The following SHISA6 variants were observed in gnomAD, a reference collection of about 807,000 sequenced individuals.
SHISA6 encodes the protein protein shisa-6.
Under a neutral mutation model 47.9 loss-of-function variants are expected in SHISA6, and 22 were observed. The observed-to-expected ratio is 0.46, with a 90% CI of 0.33 to 0.66. The LOEUF (loss-of-function observed/expected upper bound fraction) is 0.66, where lower values mean the gene tolerates loss of function less well. Among genes scored for constraint, SHISA6 ranks in the 30% least tolerant of loss-of-function variants. The pLI is 0.02. For missense variants in SHISA6, 680 were observed against 764.6 expected (o/e 0.89, Z 1.30); for synonymous variants, 388 against 337.8 (o/e 1.15, Z -1.63).
intron 3 of SHISA6, among the ~76,000 whole-genome samples, chr17:11,425,510 A>G (rs1188759328): frequency 2.0e-5 from 3 of 152,232 alleles, no homozygotes; most frequent in African/African-American, 7.2e-5. Flanking sequence ...TCAGATAGCC[A>G]CATTTTCAGA....
At chr17:11,395,924 T>G (rs1597492096) in intron 3 of SHISA6, among the ~76,000 whole-genome samples, 1 of 152,346 alleles carries the variant, frequency 6.6e-6, no homozygotes, top group East Asian at 1.9e-4. Flanking sequence ...CTTTGCTTTG[T>G]TTCTGATGTT....
At chr17:11,262,574 T>A (rs1198675409) in intron 1 of SHISA6, among the ~76,000 whole-genome samples, 1 of 152,226 alleles carries the variant, frequency 6.6e-6, no homozygotes, top group South Asian at 2.1e-4. Context: ...TTGATCTGTG[T>A]CTCTTCAATG....
At chr17:11,536,955 G>A (rs1159879984) in intron 3 of SHISA6, among the ~76,000 whole-genome samples, 3 of 152,156 alleles carry the variant, frequency 2.0e-5, no homozygotes, top group South Asian at 2.1e-4. Flanking sequence ...AGGCTCACAC[G>A]AGCCAAAGCT....
chr17:11,545,487 T>C (rs2071875720), intron 3 of SHISA6, among the ~76,000 whole-genome samples: 1 of 152,214 alleles, frequency 6.6e-6, no homozygotes, highest in Non-Finnish European at 1.5e-5. Flanking sequence ...TTAATGCCAA[T>C]ATTCTGATTT....
At chr17:11,453,515 T>G (rs1200156360) in intron 3 of SHISA6, among the ~76,000 whole-genome samples, 2 of 152,228 alleles carry the variant, frequency 1.3e-5, no homozygotes, top group Admixed American at 6.5e-5. Flanking sequence ...TATAGCTTCT[T>G]CATTTCCCCC....
At chr17:11,312,462 A>G (rs1160593823) in intron 2 of SHISA6, among the ~76,000 whole-genome samples, 1 of 152,192 alleles carries the variant, frequency 6.6e-6, no homozygotes, top group African/African-American at 2.4e-5. Context: ...TCTGAAAATA[A>G]TATCTGTTGC....
intron 3 of SHISA6, among the ~76,000 whole-genome samples, chr17:11,490,175 G>A (rs755977740): frequency 2.8e-4 from 42 of 152,296 alleles, no homozygotes; most frequent in Admixed American, 9.8e-4. Flanking sequence ...ATTGGCCTGC[G>A]CTCATAGTTC....
Position 11,420,848 on chromosome 17 carries a change from G to C in SHISA6, c.895+41339G>C, listed in dbSNP as rs545268245. Among the ~76,000 whole-genome samples, 7 of 152,332 alleles carry C rather than the reference G, an allele frequency of 4.6e-5. 1 individual carries two copies. In the South Asian group the frequency reaches 1.2e-3, roughly 27 times the overall value. ...TACCTGCCTACACTCTGGTTACCAG[G>C]ATATTGACAGAGGGTATGTTTGACC... On this transcript the variant is annotated intron_variant, in intron 3 of 5. Transcript: ENST00000441885.
rs2072005979 is a variant in SHISA6 at position 11,558,456 on chromosome 17, C to T, written c.*152C>T. ...GCCACCTTTGCCCAAAAAGCCATAC[C>T]CCCGGGGACACAGCCCCGATGGCCT... On this transcript the variant is annotated 3_prime_UTR_variant, in exon 6 of 6. Coordinates refer to ENST00000441885, the MANE Select transcript of SHISA6 (RefSeq NM_207386.4). 4 of 836,274 alleles carry T rather than the reference C, an allele frequency of 4.8e-6. 1 individual carries two copies. In the South Asian group the frequency reaches 7.2e-5, roughly 15 times the overall value. The allele number at this position is 836,274 out of a possible 1,614,324, so 51.8% of individuals were successfully genotyped here. A position where few individuals can be genotyped will look rare whatever the true frequency, so the allele number is the denominator to read the frequency against.
chr17:11,489,737 A>C (rs2142336959), intron 3 of SHISA6, among the ~76,000 whole-genome samples: 1 of 152,330 alleles, frequency 6.6e-6, no homozygotes, highest in Non-Finnish European at 1.5e-5. Context: ...TTTGCACCCC[A>C]GAGAACCTTT....
chr17:11,359,206 G>A (rs1912182597), intron 2 of SHISA6, among the ~76,000 whole-genome samples: 1 of 152,034 alleles, frequency 6.6e-6, no homozygotes. Flanking sequence ...TCATGTTTAA[G>A]CATGTCTTGC....
At chr17:11,395,026 G>C (rs1358793317) in intron 3 of SHISA6, among the ~76,000 whole-genome samples, 2 of 117,226 alleles carry the variant, frequency 1.7e-5, no homozygotes, top group Non-Finnish European at 3.3e-5. Flanking sequence ...TTTTGAGACA[G>C]AGTCTCGCTC....
chr17:11,442,999 A>G (rs937312516), intron 3 of SHISA6, among the ~76,000 whole-genome samples: 1 of 152,196 alleles, frequency 6.6e-6, no homozygotes, highest in African/African-American at 2.4e-5. Flanking sequence ...AGAAAAAGGA[A>G]GCCAAGAACT....
chr17:11,244,211 C>A (rs764170557), intron 1 of SHISA6, among the ~76,000 whole-genome samples: 2 of 152,154 alleles, frequency 1.3e-5, no homozygotes, highest in Non-Finnish European at 2.9e-5. Flanking sequence ...ATGTTTCCCC[C>A]TCAAGTTCAC....
At chr17:11,414,481 C>T (rs1041585598) in intron 3 of SHISA6, among the ~76,000 whole-genome samples, 1 of 152,150 alleles carries the variant, frequency 6.6e-6, no homozygotes, top group African/African-American at 2.4e-5. Flanking sequence ...TCTATTCTTT[C>T]CCTGCCCCTC....
intron 2 of SHISA6, among the ~76,000 whole-genome samples, chr17:11,358,353 A>G (rs1912139843): frequency 6.6e-6 from 1 of 151,466 alleles, no homozygotes; most frequent in Non-Finnish European, 1.5e-5. Flanking sequence ...ATGTTGTAGT[A>G]CTTGACAGGA....
At chr17:11,353,898 G>A (rs1911987349) in intron 2 of SHISA6, among the ~76,000 whole-genome samples, 1 of 152,146 alleles carries the variant, frequency 6.6e-6, no homozygotes, top group Non-Finnish European at 1.5e-5. Context: ...GGCGAACTGT[G>A]AGGAAGACAG....
rs7208127 is a variant in SHISA6, at chr17:11,260,318, A to C, written c.639-3048A>C. On this transcript the variant is annotated intron_variant, in intron 1 of 5. Transcript: ENST00000441885. ...TTGATATATCAGATATTGCAGCAAA[A>C]AGGGCTCGCTGTGGGTGGGGGATGG... 5.9e-3 allele frequency among the ~76,000 whole-genome samples: 898 copies of C among 152,168 alleles called. 7 individuals are homozygous for C. The highest frequency in any genetic ancestry group is 0.021 in the African/African-American group (851 of 41,500).
chr17:11,525,631 C>CAAAAAAAAAAAAAA (rs548619604), intron 3 of SHISA6, among the ~76,000 whole-genome samples: 1 of 58,900 alleles, frequency 1.7e-5, no homozygotes, highest in Non-Finnish European at 3.0e-5. Flanking sequence ...GACTCCGTCT[C>CAAAAAAAAAAAAAA]AAAAAAAAAA....
Sources: allele counts gnomAD v4.1 joint callset (sites outside exome capture counted in the v4.1 genomes callset), GRCh38; gene constraint gnomAD v4.1.1; transcripts MANE v1.5; gene names NCBI Gene and HGNC (gene_info 2026-07-23, HGNC 2026-07-21).